The following MYRIP variants were observed in gnomAD, a reference collection of about 807,000 sequenced individuals.
MYRIP encodes the protein rab effector MyRIP.
MYRIP carries 49 observed loss-of-function variants against 98.0 expected under a neutral mutation model. The ratio of observed to expected loss-of-function variants is 0.50; its 90% CI spans 0.40 to 0.63. The LOEUF (loss-of-function observed/expected upper bound fraction) is 0.63. MYRIP is among the 30% of genes least tolerant of loss of function. MYRIP has a pLI of 0.00. For missense variants in MYRIP, 1,004 were observed against 1,058.2 expected (o/e 0.95, Z 0.71); for synonymous variants, 404 against 409.5 (o/e 0.99, Z 0.16).
intron 12 of MYRIP, among the ~76,000 whole-genome samples, chr3:40,239,478 GC>G (rs1952930203): frequency 7.2e-6 from 1 of 139,472 alleles, no homozygotes; most frequent in African/African-American, 3.1e-5. Flanking sequence ...TTGAGGAATC[GC>G]CACACTGACT....
At chr3:40,154,992 T>A (rs1402281412) in intron 4 of MYRIP, among the ~76,000 whole-genome samples, 1 of 152,092 alleles carries the variant, frequency 6.6e-6, no homozygotes, top group Non-Finnish European at 1.5e-5. Context: ...TTTTTATTAT[T>A]TTTTTATTAT....
At chr3:40,177,928 A>G (rs1950802629) in intron 8 of MYRIP, among the ~76,000 whole-genome samples, 1 of 151,818 alleles carries the variant, frequency 6.6e-6, no homozygotes, top group Non-Finnish European at 1.5e-5. Flanking sequence ...TTCCTTCCTC[A>G]CGTTCCTTCT....
At chr3:40,001,416 G>C (rs893850522) in intron 2 of MYRIP, among the ~76,000 whole-genome samples, 1 of 152,144 alleles carries the variant, frequency 6.6e-6, no homozygotes, top group African/African-American at 2.4e-5. Flanking sequence ...TATTTCTCAG[G>C]CCCTCGAGTT....
intron 3 of MYRIP, among the ~76,000 whole-genome samples, chr3:40,090,682 AG>A (rs1948722836): frequency 6.6e-6 from 1 of 152,224 alleles, no homozygotes; most frequent in African/African-American, 2.4e-5. Flanking sequence ...TTCTCTGTCC[AG>A]GGCTATTTCA....
intron 3 of MYRIP, among the ~76,000 whole-genome samples, chr3:40,058,399 T>A (rs9863906): frequency 0.29 from 44,177 of 152,026 alleles, 6,507 homozygotes; most frequent in East Asian, 0.36. Flanking sequence ...CAAACATCAA[T>A]TGAAAACTAT....
chr3:40,040,944 C>T (rs951182758), intron 2 of MYRIP, among the ~76,000 whole-genome samples: 3 of 71,602 alleles, frequency 4.2e-5, no homozygotes, highest in Admixed American at 2.2e-4. Flanking sequence ...AACTAACCTG[C>T]ACAATGTGCA....
At chr3:40,173,120 A>G (rs1950656724) in intron 8 of MYRIP, 1 of 152,250 alleles carries the variant, frequency 6.6e-6, no homozygotes, top group Admixed American at 6.5e-5. Flanking sequence ...TCAGGTATCT[A>G]TAGTAATAAC....
intron 1 of MYRIP, among the ~76,000 whole-genome samples, chr3:39,894,322 C>T (rs1050380318): frequency 1.3e-5 from 2 of 152,184 alleles, no homozygotes; most frequent in Non-Finnish European, 2.9e-5. Flanking sequence ...AGAGGGTAAC[C>T]ACTACACTGC....
intron 2 of MYRIP, among the ~76,000 whole-genome samples, chr3:39,966,638 G>T (rs536577214): frequency 6.6e-6 from 1 of 152,186 alleles, no homozygotes; most frequent in Admixed American, 6.5e-5. Flanking sequence ...GGGGCAGGGG[G>T]TGGGTAGGGA....
chr3:40,207,050 A>C (rs1459002010), intron 10 of MYRIP, among the ~76,000 whole-genome samples: 1 of 152,194 alleles, frequency 6.6e-6, no homozygotes, highest in Non-Finnish European at 1.5e-5. Context: ...CTAGTTGCTG[A>C]CTTCCTGCAT....
chr3:40,189,000 C>T (rs1951120343), intron 9 of MYRIP, among the ~76,000 whole-genome samples: 1 of 152,202 alleles, frequency 6.6e-6, no homozygotes, highest in East Asian at 1.9e-4. Flanking sequence ...CAGACCTGAG[C>T]CCAGTTTAGA....
intron 3 of MYRIP, among the ~76,000 whole-genome samples, chr3:40,056,228 C>T (rs965977376): frequency 6.6e-6 from 1 of 152,142 alleles, no homozygotes; most frequent in African/African-American, 2.4e-5. Context: ...ACTTCCCTTG[C>T]CACCACCACA....
chr3:39,895,755 A>G (rs780366042), intron 1 of MYRIP, among the ~76,000 whole-genome samples: 4 of 152,188 alleles, frequency 2.6e-5, no homozygotes, highest in Non-Finnish European at 4.4e-5. Context: ...ATAAATGGGC[A>G]ATGTCAAAAA....
intron 13 of MYRIP, among the ~76,000 whole-genome samples, chr3:40,247,035 TAGAATCAAA>T (rs1953228995): frequency 6.6e-6 from 1 of 152,242 alleles, no homozygotes; most frequent in Non-Finnish European, 1.5e-5. Context: ...ATATATTAAG[TAGAATCAAA>T]TCACTTGTTT....
intron 13 of MYRIP, among the ~76,000 whole-genome samples, chr3:40,249,473 G>C (rs977516789): frequency 6.6e-6 from 1 of 152,168 alleles, no homozygotes; most frequent in African/African-American, 2.4e-5. Flanking sequence ...CAAGATAATG[G>C]TACTTACTTC....
chr3:40,018,264 C>T (rs138970687), intron 2 of MYRIP, among the ~76,000 whole-genome samples: 3 of 152,306 alleles, frequency 2.0e-5, no homozygotes, highest in African/African-American at 4.8e-5. Flanking sequence ...CTTCTCTTTG[C>T]TCTTTTACCA....
rs751137339 is a variant in MYRIP at position 40,189,899 on chromosome 3, A to G, written c.1101A>G (p.Arg367=). ...ALKDGAPPPT[R]LLAKPKSGTF... ...AGGATGGCGCTCCACCCCCCACCCG[A>G]CTACTGGCCAAACCTAAGAGCGGGA... The change falls in exon 10 of 17, where the codon CGA becomes CGG. Residue 367 remains arginine (R), a synonymous_variant. Coordinates refer to ENST00000302541, the MANE Select transcript of MYRIP (RefSeq NM_015460.4). 4 of 1,614,050 alleles carry G rather than the reference A, an allele frequency of 2.5e-6. No individual in the cohort carries two copies. The South Asian group carries it at 4.4e-5, about 18-fold the overall frequency.
intron 1 of MYRIP, among the ~76,000 whole-genome samples, chr3:39,834,109 A>G (rs1357815704): frequency 6.6e-6 from 1 of 152,228 alleles, no homozygotes; most frequent in Non-Finnish European, 1.5e-5. Context: ...ATGACTGCTC[A>G]GTACAAAACA....
chr3:39,997,700 C>G (rs980184331), intron 2 of MYRIP, among the ~76,000 whole-genome samples: 20 of 152,122 alleles, frequency 1.3e-4, no homozygotes, highest in African/African-American at 4.1e-4. Context: ...CAGCATCATC[C>G]TGATACCAAA....
Sources: gnomAD v4.1 joint callset for allele counts (sites outside exome capture counted in the v4.1 genomes callset) on GRCh38, gnomAD v4.1.1 for gene constraint, MANE v1.5 for transcripts, NCBI Gene and HGNC (gene_info 2026-07-23, HGNC 2026-07-21) for gene names.